The following MAML3 variants were observed in gnomAD, a reference collection of about 807,000 sequenced individuals.
MAML3 encodes the protein mastermind like transcriptional coactivator 3.
In MAML3, 27 loss-of-function variants were observed where a neutral mutation model predicts 101.9. That is an observed-to-expected ratio of 0.27 (90% CI 0.20 to 0.37). MAML3 has a LOEUF of 0.37. Ranked by LOEUF, MAML3 falls within the 10% of genes least tolerant of loss-of-function variation. The probability of loss-of-function intolerance (pLI) is 1.00; values close to 1 mark genes in which losing one functional copy is unlikely to be tolerated. For missense variants in MAML3, 1,316 were observed against 1,444.9 expected, an observed-to-expected ratio of 0.91 and a Z score of 1.45; for synonymous variants, 501 against 555.9, an observed-to-expected ratio of 0.90 and a Z score of 1.39.
intron 2 of MAML3, among the ~76,000 whole-genome samples, chr4:139,867,549 A>T (rs570150436): frequency 2.0e-5 from 3 of 152,218 alleles, no homozygotes; most frequent in Middle Eastern, 3.2e-3. Flanking sequence ...CATTTGGCCA[A>T]TGAGGAAACT....
At chr4:140,035,886 C>A (rs771766648) in intron 1 of MAML3, among the ~76,000 whole-genome samples, 1 of 152,042 alleles carries the variant, frequency 6.6e-6, no homozygotes, top group Admixed American at 6.5e-5. Context: ...TAATTCCCTT[C>A]GGAACACATT....
At chr4:139,931,970 G>T (rs961691668) in intron 1 of MAML3, among the ~76,000 whole-genome samples, 1 of 152,160 alleles carries the variant, frequency 6.6e-6, no homozygotes, top group Non-Finnish European at 1.5e-5. Context: ...AGTGAGCCGA[G>T]ATGGTGCCAC....
At chr4:139,962,774 C>T (rs1020413094) in intron 1 of MAML3, among the ~76,000 whole-genome samples, 2 of 152,166 alleles carry the variant, frequency 1.3e-5, no homozygotes, top group African/African-American at 4.8e-5. Context: ...GAGGCTTCAA[C>T]TGTAGCAGCA....
intron 1 of MAML3, among the ~76,000 whole-genome samples, chr4:139,902,422 C>T (rs1732744945): frequency 6.6e-6 from 1 of 152,176 alleles, no homozygotes; most frequent in African/African-American, 2.4e-5. Flanking sequence ...CCTTCATTGA[C>T]CAATTACGGA....
rs746554072 is a variant in MAML3 at position 139,719,890 on chromosome 4, C to T, written c.2850G>A (p.Gln950=). ...LPRPQAPPRL[Q]SLMGTVQQGA... ...CTTGCTGGACTGTTCCCATAAGGCTCTGCAGCCTTGGAGGGGCTTGGGGCC... is the reference window on the plus strand; with the variant it reads ...CTTGCTGGACTGTTCCCATAAGGCTTTGCAGCCTTGGAGGGGCTTGGGGCC... Residue 950 remains glutamine (Q), a synonymous_variant, in exon 5 of 5, where the codon CAG becomes CAA. Coordinates refer to ENST00000509479, the MANE Select transcript of MAML3 (RefSeq NM_018717.5). The T allele has an allele frequency of 6.2e-7, 1 of 1,613,996 alleles. No homozygotes were observed. Among genetic ancestry groups the T allele is most frequent in the Non-Finnish European group, 8.5e-7 (1 of 1,179,906 alleles).
intron 2 of MAML3, among the ~76,000 whole-genome samples, chr4:139,851,329 T>C (rs1252214294): frequency 6.6e-6 from 1 of 152,254 alleles, no homozygotes; most frequent in African/African-American, 2.4e-5. Context: ...ACACGCCACC[T>C]GGACTACTTC....
intron 2 of MAML3, among the ~76,000 whole-genome samples, chr4:139,809,278 G>A (rs1182027562): frequency 1.3e-5 from 2 of 152,208 alleles, no homozygotes; most frequent in African/African-American, 4.8e-5. Flanking sequence ...CAAGAGAAGG[G>A]AAACATTTTT....
chr4:140,152,878 C>T lies in MAML3; in HGVS notation c.450G>A (p.Arg150=). 6.2e-7 allele frequency: 1 copy of T among 1,610,614 alleles called. No individual in the cohort carries two copies. Among genetic ancestry groups the T allele is most frequent in the Non-Finnish European group, 8.5e-7 (1 of 1,178,934 alleles). ...CCCTCACCATGATCAGCGTGTGGTT[C>T]CTCTGCTCCGCCGAGGCAGCCTCCG... is the stretch of plus-strand genomic sequence containing the variant. ...QDAEAASAEQ[R]NHTLIMLQET... is the part of the protein sequence containing the mutation. Residue 150 remains arginine (R), a synonymous_variant, in exon 1 of 5, where the codon AGG becomes AGA. Coordinates refer to ENST00000509479, the MANE Select transcript of MAML3 (RefSeq NM_018717.5).
intron 1 of MAML3, among the ~76,000 whole-genome samples, chr4:140,123,679 A>T (rs1473453818): frequency 6.6e-6 from 1 of 152,236 alleles, no homozygotes; most frequent in East Asian, 1.9e-4. Flanking sequence ...TTAGATCTGA[A>T]TAAGATAAAA....
chr4:139,852,889 T>A (rs1461802017), intron 2 of MAML3, among the ~76,000 whole-genome samples: 1 of 152,212 alleles, frequency 6.6e-6, no homozygotes, highest in African/African-American at 2.4e-5. Context: ...CTTGCTTTGT[T>A]TCCCTTTACC....
chr4:140,028,975 C>A (rs753716474), intron 1 of MAML3, among the ~76,000 whole-genome samples: 3 of 152,082 alleles, frequency 2.0e-5, no homozygotes, highest in African/African-American at 7.2e-5. Context: ...TTTTAGACTG[C>A]GTCTGGTTTT....
intron 1 of MAML3, among the ~76,000 whole-genome samples, chr4:139,987,099 T>C (rs1734552943): frequency 6.6e-6 from 1 of 152,202 alleles, no homozygotes; most frequent in South Asian, 2.1e-4. Context: ...GTTCCCACTG[T>C]AGACCAGGCA....
At chr4:139,731,992 C>T (rs1728745775) in intron 2 of MAML3, among the ~76,000 whole-genome samples, 1 of 152,318 alleles carries the variant, frequency 6.6e-6, no homozygotes, top group East Asian at 1.9e-4. Flanking sequence ...CCTTCTACCT[C>T]ACTGAAGTTT....
At chr4:140,106,519 C>G (rs1728354196) in intron 1 of MAML3, among the ~76,000 whole-genome samples, 1 of 152,150 alleles carries the variant, frequency 6.6e-6, no homozygotes, top group South Asian at 2.1e-4. Flanking sequence ...AAGAATCTTC[C>G]TTATGCAACT....
chr4:140,136,831 CAAT>C (rs1275308334), intron 1 of MAML3, among the ~76,000 whole-genome samples: 1 of 152,164 alleles, frequency 6.6e-6, no homozygotes, highest in Non-Finnish European at 1.5e-5. Context: ...AAATGATAAA[CAAT>C]GATGCTAAGA....
At chr4:139,805,850 G>A (rs1304689347) in intron 2 of MAML3, among the ~76,000 whole-genome samples, 2 of 152,042 alleles carry the variant, frequency 1.3e-5, no homozygotes, top group Non-Finnish European at 2.9e-5. Flanking sequence ...AATACTATGC[G>A]AGCGGTGGAA....
chr4:139,970,314 C>CA (rs1419390404), intron 1 of MAML3, among the ~76,000 whole-genome samples: 2 of 152,112 alleles, frequency 1.3e-5, no homozygotes, highest in African/African-American at 4.8e-5. Flanking sequence ...AAAACACAAG[C>CA]AAAAGCTGGA....
At chr4:140,093,799 T>C (rs1485914862) in intron 1 of MAML3, among the ~76,000 whole-genome samples, 1 of 152,146 alleles carries the variant, frequency 6.6e-6, no homozygotes, top group Non-Finnish European at 1.5e-5. Flanking sequence ...TGTGCTGCAT[T>C]AGGGCTTTTC....
intron 2 of MAML3, among the ~76,000 whole-genome samples, chr4:139,850,099 T>C (rs1019321099): frequency 6.6e-6 from 1 of 152,158 alleles, no homozygotes; most frequent in African/African-American, 2.4e-5. Flanking sequence ...ATTCAGTATA[T>C]TTCCCCCCCT....
Sources: allele counts gnomAD v4.1 joint callset (sites outside exome capture counted in the v4.1 genomes callset), GRCh38; gene constraint gnomAD v4.1.1; transcripts MANE v1.5; gene names NCBI Gene and HGNC (gene_info 2026-07-23, HGNC 2026-07-21).